KCNIP3: variants seen among roughly 807,000 people sequenced by gnomAD.
KCNIP3 encodes the protein calsenilin.
In KCNIP3, 28 loss-of-function variants were observed where a neutral mutation model predicts 35.0. The observed-to-expected ratio is 0.80, with a 90% CI of 0.59 to 1.10. The LOEUF (loss-of-function observed/expected upper bound fraction) is 1.10. Among genes scored for constraint, KCNIP3 ranks in the 50% least tolerant of loss-of-function variants. The pLI is 0.00. For missense variants in KCNIP3, 295 were observed against 338.4 expected (o/e 0.87, Z 1.01); for synonymous variants, 134 against 133.8 (o/e 1.00, Z -0.01).
At chr2:95,298,253 G>A (rs1038733983) in intron 1 of KCNIP3, among the ~76,000 whole-genome samples, 7 of 152,092 alleles carry the variant, frequency 4.6e-5, no homozygotes, top group Non-Finnish European at 2.9e-5. Context: ...ATAACAGAAC[G>A]CCCCAAATAA....
At chr2:95,362,141 C>T (rs998950487) in intron 2 of KCNIP3, among the ~76,000 whole-genome samples, 1 of 150,418 alleles carries the variant, frequency 6.6e-6, no homozygotes, top group Admixed American at 6.6e-5. Flanking sequence ...GAGTCTTGCT[C>T]TGTCACCCAG....
At chr2:95,374,201 C>T in intron 2 of KCNIP3, 95 bp from the exon 3 acceptor site, 3 of 1,470,674 alleles carry the variant, frequency 2.0e-6, no homozygotes, top group East Asian at 2.3e-5. Flanking sequence ...AGAGTTCCTC[C>T]ACCTGCTATT....
intron 2 of KCNIP3, among the ~76,000 whole-genome samples, chr2:95,316,984 A>G (rs1678473934): frequency 6.6e-6 from 1 of 152,232 alleles, no homozygotes; most frequent in Non-Finnish European, 1.5e-5. Context: ...AGCTCCAGTC[A>G]TGAATTTGGC....
chr2:95,343,952 C>T (rs1379265918), intron 2 of KCNIP3, among the ~76,000 whole-genome samples: 4 of 150,896 alleles, frequency 2.7e-5, no homozygotes, highest in African/African-American at 7.3e-5. Flanking sequence ...ATGCAGGACA[C>T]CCCTGTCTCC....
intron 2 of KCNIP3, among the ~76,000 whole-genome samples, chr2:95,341,709 G>C (rs1449510305): frequency 6.6e-6 from 1 of 152,178 alleles, no homozygotes; most frequent in Admixed American, 6.5e-5. Flanking sequence ...CAGGAACTCA[G>C]CCCTGGTTCT....
At chr2:95,375,707 C>T (rs550081130) in intron 5 of KCNIP3, among the ~76,000 whole-genome samples, 5 of 152,320 alleles carry the variant, frequency 3.3e-5, no homozygotes, top group East Asian at 1.9e-4. Context: ...TACCCACTGG[C>T]GGAAGGAGAA....
At chr2:95,349,234 G>C (rs1043491120) in intron 2 of KCNIP3, among the ~76,000 whole-genome samples, 1 of 152,186 alleles carries the variant, frequency 6.6e-6, no homozygotes, top group Non-Finnish European at 1.5e-5. Context: ...GAGGAGCCCA[G>C]GCTGTCCCAC....
intron 2 of KCNIP3, among the ~76,000 whole-genome samples, chr2:95,331,591 C>T (rs1185961029): frequency 2.0e-5 from 3 of 152,156 alleles, no homozygotes; most frequent in Non-Finnish European, 2.9e-5. Context: ...TCCTTGCTCC[C>T]GCTGCCTGCG....
Position 95,384,172 on chromosome 2 carries a change from A to ACACACACT in KCNIP3, c.*130_*131insTCACACAC. 1 of 552,162 alleles carries ACACACACT rather than the reference A, an allele frequency of 1.8e-6. No individual in the cohort carries two copies. The highest frequency in any genetic ancestry group is 3.3e-6 in the Non-Finnish European group (1 of 304,444). 34.2% of individuals were successfully genotyped at this position (552,162 alleles called of 1,614,324 possible). ...TTGCAAAAAGTGAACAGATTGCTAC[A>ACACACACT]CACACACACACACACACACACACAC... On this transcript the variant is annotated 3_prime_UTR_variant, in exon 9 of 9. Coordinates refer to ENST00000295225, the MANE Select transcript of KCNIP3 (RefSeq NM_013434.5).
intron 4 of KCNIP3, 98 bp downstream of exon 4, chr2:95,375,015 C>T: frequency 6.6e-7 from 1 of 1,516,970 alleles, no homozygotes; most frequent in Non-Finnish European, 9.1e-7. Context: ...CTGCCCCTGT[C>T]CCGTGGGAAA....
At chr2:95,352,091 C>T (rs1231028707) in intron 2 of KCNIP3, among the ~76,000 whole-genome samples, 3 of 152,036 alleles carry the variant, frequency 2.0e-5, no homozygotes, top group Non-Finnish European at 4.4e-5. Context: ...GGTAAAACCC[C>T]GTCTCTACTA....
In KCNIP3 at chr2:95,382,791, G is replaced by A. The variant is rs1388116323; in HGVS notation, c.660+310G>A. Among the ~76,000 whole-genome samples the A allele has an allele frequency of 6.6e-6, 1 of 152,234 alleles. No individual in the cohort carries two copies. The highest frequency in any genetic ancestry group is 2.4e-5 in the African/African-American group (1 of 41,464). ...GGAAGACGCTCTGGGAGAGGAGCAG[G>A]TTGGGGGCCTTCACCTGTATGCATG... On this transcript the variant is annotated intron_variant, in intron 7 of 8. Coordinates refer to ENST00000295225, the MANE Select transcript of KCNIP3 (RefSeq NM_013434.5). The surrounding 1 kb of genome is among the most constrained non-coding windows in gnomAD (Gnocchi z 4.5).
At chr2:95,339,045 A>G (rs1374817847) in intron 2 of KCNIP3, among the ~76,000 whole-genome samples, 1 of 152,194 alleles carries the variant, frequency 6.6e-6, no homozygotes, top group East Asian at 1.9e-4. Context: ...GCCTTGGAGG[A>G]AGCTGATGCT....
chr2:95,346,470 C>T (rs1165560358), intron 2 of KCNIP3, among the ~76,000 whole-genome samples: 4 of 150,346 alleles, frequency 2.7e-5, no homozygotes, highest in Non-Finnish European at 5.9e-5. Context: ...GCTCCCTCCG[C>T]CCTTCCCGGG....
intron 2 of KCNIP3, among the ~76,000 whole-genome samples, chr2:95,333,470 G>T (rs1678982063): frequency 6.6e-6 from 1 of 152,164 alleles, no homozygotes; most frequent in Non-Finnish European, 1.5e-5. Flanking sequence ...CTCTCCTGTG[G>T]TGGCCTCACC....
intron 2 of KCNIP3, among the ~76,000 whole-genome samples, chr2:95,327,396 C>T (rs1678821128): frequency 6.6e-6 from 1 of 152,126 alleles, no homozygotes; most frequent in South Asian, 2.1e-4. Flanking sequence ...CACACATACA[C>T]ACACTCTCAC....
intron 2 of KCNIP3, among the ~76,000 whole-genome samples, chr2:95,347,283 C>G (rs530168080): frequency 2.0e-5 from 3 of 152,182 alleles, no homozygotes; most frequent in Admixed American, 2.0e-4. Flanking sequence ...ACTAAGGAGA[C>G]GTAGTCCCAG....
At chr2:95,322,733 C>T (rs1678627524) in intron 2 of KCNIP3, among the ~76,000 whole-genome samples, 1 of 152,316 alleles carries the variant, frequency 6.6e-6, no homozygotes, top group African/African-American at 2.4e-5. Flanking sequence ...TCTCCCCACC[C>T]CGCTTATCCC....
chr2:95,376,702 G>A lies in KCNIP3; in HGVS notation c.447+1494G>A, dbSNP rs1680205276. Among the ~76,000 whole-genome samples the A allele has an allele frequency of 6.6e-6, 1 of 152,218 alleles. No individual in the cohort carries two copies. Among genetic ancestry groups the A allele is most frequent in the Non-Finnish European group, 1.5e-5 (1 of 68,040 alleles). ...TGCTCTGGGAAGGAGGAGGGCACAA[G>A]CCCCCATGGCCCCATCCTGGGAGCC... On this transcript the variant is annotated intron_variant, in intron 5 of 8. Transcript: ENST00000295225. This position sits in a 1 kb window ranked among gnomAD's most constrained non-coding sequence, Gnocchi z 4.2.
Sources: gnomAD v4.1 joint callset for allele counts (sites outside exome capture counted in the v4.1 genomes callset) on GRCh38, gnomAD v4.1.1 for gene constraint, Gnocchi (gnomAD v3.1) non-coding constraint, MANE v1.5 for transcripts, NCBI Gene and HGNC (gene_info 2026-07-23, HGNC 2026-07-21) for gene names.